OR2B3: variants seen among roughly 807,000 people sequenced by gnomAD.
The protein encoded by OR2B3 is putative olfactory receptor 2B3.
For synonymous variants in OR2B3, 123 were observed against 133.8 expected (o/e 0.92, Z 0.56); for missense variants, 341 against 374.8 (o/e 0.91, Z 0.74).
rs1361650394 is a variant in OR2B3 at position 29,086,784 on chromosome 6, G to A, written c.465C>T (p.Asn155=). ...GAGTCAAGGAAGACTGCAGCACTGA[G>A]TTGCCGAAACCAATGAGCCATGAGA... ...AAFSWLIGFG[N]SVLQSSLTLN... is the part of the protein sequence containing the mutation. The change falls in exon 1 of 1, where the codon AAC becomes AAT. Residue 155 remains asparagine (N), a synonymous_variant. Coordinates refer to ENST00000377173, the MANE Select transcript of OR2B3 (RefSeq NM_001005226.2). 1.2e-6 allele frequency: 2 copies of A among 1,614,006 alleles called. No individual in the cohort carries two copies. Among genetic ancestry groups the A allele is most frequent in the Non-Finnish European group, 1.7e-6 (2 of 1,180,022 alleles).
In OR2B3 at chr6:29,086,401, G is replaced by T; in HGVS notation, c.848C>A (p.Ser283Tyr). Residue 283 changes from serine (S) to tyrosine (Y), a missense_variant, in exon 1 of 1, where the codon TCC becomes TAC. Ser to Tyr is a moderately radical substitution (Grantham distance 144, BLOSUM62 -2). Transcript: ENST00000377173. ...MVSLFYGIIT[S>Y]MLNSLIYSLR... ...GCTGTAGATGAGGGAGTTCAACATG[G>T]ATGTGATGATTCCATAGAAGAGGGA... 1 of 1,614,004 alleles carries T rather than the reference G, an allele frequency of 6.2e-7. No homozygotes were observed. Among genetic ancestry groups the T allele is most frequent in the Non-Finnish European group, 8.5e-7 (1 of 1,179,902 alleles).
At position 29,086,267 on chromosome 6, in the gene OR2B3, A is replaced by G; in HGVS notation, c.*40T>C. The G allele has an allele frequency of 8.3e-7, 1 of 1,199,522 alleles. No individual in the cohort carries two copies. Among genetic ancestry groups the G allele is most frequent in the Non-Finnish European group, 1.2e-6 (1 of 846,354 alleles). 74.3% of individuals were successfully genotyped at this position (1,199,522 alleles called of 1,614,324 possible). ...AAGGTCATTACCATCATTGAAGATA[A>G]GGAAAGACTAAGAAGATTCTCATCA... is the stretch of plus-strand genomic sequence containing the variant. On this transcript the variant is annotated 3_prime_UTR_variant, in exon 1 of 1. Transcript: ENST00000377173.
In OR2B3 at chr6:29,086,513, T is replaced by A; in HGVS notation, c.736A>T (p.Ile246Phe). 1 of 1,614,028 alleles carries A rather than the reference T, an allele frequency of 6.2e-7. No individual in the cohort carries two copies. The highest frequency in any genetic ancestry group is 1.1e-5 in the South Asian group (1 of 91,062). The change falls in exon 1 of 1, where the codon ATT (isoleucine) becomes TTT (phenylalanine). Residue 246 changes from isoleucine (I) to phenylalanine (F), a missense_variant. Coordinates refer to ENST00000377173, the MANE Select transcript of OR2B3 (RefSeq NM_001005226.2). ...KAFGTCGSHMIVVSLFYGTAI... is the reference protein window; with the variant it reads ...KAFGTCGSHMFVVSLFYGTAI... The stretch of plus-strand genomic sequence containing the variant: ...GTTCCATAAAAGAGGGACACCACAA[T>A]CATGTGGGACCCACATGTCCCAAAT...
Position 29,087,283 on chromosome 6 carries a change from T to G in OR2B3, c.-35A>C, listed in dbSNP as rs1182253777. The G allele has an allele frequency of 2.9e-6, 4 of 1,400,676 alleles. No individual in the cohort carries two copies. The Admixed American group carries it at 7.9e-5, about 28-fold the overall frequency. 86.8% of individuals were successfully genotyped at this position (1,400,676 alleles called of 1,614,324 possible). A position where few individuals can be genotyped will look rare whatever the true frequency, so the allele number is the denominator to read the frequency against. ...CTTATTTCGCACTCCTAAAAAAATG[T>G]AAGATAGGAAAGCAATCAATGTTTG... On this transcript the variant is annotated 5_prime_UTR_variant, in exon 1 of 1. Transcript: ENST00000377173.
In OR2B3 at chr6:29,086,715, G is replaced by A. The variant is rs772705342; in HGVS notation, c.534C>T (p.Phe178=). 6.2e-7 allele frequency: 1 copy of A among 1,614,134 alleles called. No homozygotes were observed. The highest frequency in any genetic ancestry group is 8.5e-7 in the Non-Finnish European group (1 of 1,180,024). ...ACTTGAGAAGTGCAGGCACCTCACAGAAAAAGTGGTCCACTTCCTGGTGAC... is the reference window on the plus strand; with the variant it reads ...ACTTGAGAAGTGCAGGCACCTCACAAAAAAAGTGGTCCACTTCCTGGTGAC... ...RCGHQEVDHF[F]CEVPALLKLS... is the part of the protein sequence containing the mutation. Residue 178 remains phenylalanine (F), a synonymous_variant, in exon 1 of 1, where the codon TTC becomes TTT. Coordinates refer to ENST00000377173, the MANE Select transcript of OR2B3 (RefSeq NM_001005226.2).
In OR2B3 at chr6:29,086,355, C is replaced by T. The variant is rs1161499826; in HGVS notation, c.894G>A (p.Lys298=). 3 of 1,610,240 alleles carry T rather than the reference C, an allele frequency of 1.9e-6. No individual in the cohort carries two copies. Among genetic ancestry groups the T allele is most frequent in the Non-Finnish European group, 2.5e-6 (3 of 1,178,874 alleles). Residue 298 remains lysine, a synonymous_variant, in exon 1 of 1, where the codon AAG becomes AAA. Coordinates refer to ENST00000377173, the MANE Select transcript of OR2B3 (RefSeq NM_001005226.2). ...TTGGCATCAGCCTCTTGAAGGCCTC[C>T]TTCATATCTTTATTTCTAAGGCTGT... ...LIYSLRNKDM[K]EAFKRLMPRI... is the part of the protein sequence containing the mutation.
Position 29,086,551 on chromosome 6 carries a change from C to T in OR2B3, c.698G>A (p.Gly233Glu). 1 of 1,614,034 alleles carries T rather than the reference C, an allele frequency of 6.2e-7. No homozygotes were observed. Among genetic ancestry groups the T allele is most frequent in the East Asian group, 2.2e-5 (1 of 44,878 alleles). ...QAVLKIRSAEGRQKAFGTCGS... is the reference protein window; with the variant it reads ...QAVLKIRSAEERQKAFGTCGS... ...ACATGTCCCAAATGCTTTTTGCCGT[C>T]CTTCTGCTGACCTGATTTTTAATAC... Residue 233 changes from glycine (G) to glutamate (E), a missense_variant, in exon 1 of 1, where the codon GGA becomes GAA. Gly to Glu is a moderately conservative substitution (Grantham distance 98). Coordinates refer to ENST00000377173, the MANE Select transcript of OR2B3 (RefSeq NM_001005226.2).
At position 29,086,724 on chromosome 6, in the gene OR2B3, G is replaced by T; in HGVS notation, c.525C>A (p.Asp175Glu). The change falls in exon 1 of 1, where the codon GAC becomes GAA. Residue 175 changes from aspartate to glutamate, a missense_variant. By Grantham distance (45) the Asp-to-Glu change is conservative (BLOSUM62 2). Transcript: ENST00000377173. ...GTGCAGGCACCTCACAGAAAAAGTG[G>T]TCCACTTCCTGGTGACCACAGCGTG... ...NMPRCGHQEV[D>E]HFFCEVPALL... is the part of the protein sequence containing the mutation. The T allele has an allele frequency of 6.2e-7, 1 of 1,614,148 alleles. No individual in the cohort carries two copies. The highest frequency in any genetic ancestry group is 8.5e-7 in the Non-Finnish European group (1 of 1,180,028).
chr6:29,086,826 G>A lies in OR2B3; in HGVS notation c.423C>T (p.Cys141=), dbSNP rs186220740. ...GCCATGAGAAGGCTGCCATCCTTAG[G>A]CAGAACCAATAATTCATGATGACTA... ...HYVVIMNYWF[C]LRMAAFSWLI... The change falls in exon 1 of 1, where the codon TGC becomes TGT. Residue 141 remains cysteine, a synonymous_variant. Coordinates refer to ENST00000377173, the MANE Select transcript of OR2B3 (RefSeq NM_001005226.2). 9.3e-6 allele frequency: 15 copies of A among 1,614,112 alleles called. No individual in the cohort carries two copies. In the South Asian group the frequency reaches 1.1e-4, roughly 12 times the overall value.
rs753171100 is a variant in OR2B3, at chr6:29,087,201, G to T, written c.48C>A (p.Gly16=). The change falls in exon 1 of 1, where the codon GGC becomes GGA. Residue 16 remains glycine, a synonymous_variant. Coordinates refer to ENST00000377173, the MANE Select transcript of OR2B3 (RefSeq NM_001005226.2). ...ESSPKEFILL[G]FSDRAWLQMP... ...TTTGTAGCCAAGCCCTATCTGAGAAGCCAAGTAGTATAAACTCTTTTGGGG... is the reference window on the plus strand; with the variant it reads ...TTTGTAGCCAAGCCCTATCTGAGAATCCAAGTAGTATAAACTCTTTTGGGG... 1 of 1,614,074 alleles carries T rather than the reference G, an allele frequency of 6.2e-7. No homozygotes were observed. Among genetic ancestry groups the T allele is most frequent in the Non-Finnish European group, 8.5e-7 (1 of 1,179,970 alleles).
In OR2B3 at chr6:29,086,265, T is replaced by C. The variant is rs1760578781; in HGVS notation, c.*42A>G. 1 of 1,188,146 alleles carries C rather than the reference T, an allele frequency of 8.4e-7. No homozygotes were observed. Among genetic ancestry groups the C allele is most frequent in the Non-Finnish European group, 1.2e-6 (1 of 836,532 alleles). The allele number at this position is 1,188,146 out of a possible 1,614,324, so 73.6% of individuals were successfully genotyped here. ...CAAAGGTCATTACCATCATTGAAGATAAGGAAAGACTAAGAAGATTCTCAT... is the reference window on the plus strand; with the variant it reads ...CAAAGGTCATTACCATCATTGAAGACAAGGAAAGACTAAGAAGATTCTCAT... On this transcript the variant is annotated 3_prime_UTR_variant, in exon 1 of 1. Transcript: ENST00000377173.
At position 29,086,722 on chromosome 6, in the gene OR2B3, T is replaced by C. The variant is rs770561143; in HGVS notation, c.527A>G (p.His176Arg). ...AAGTGCAGGCACCTCACAGAAAAAG[T>C]GGTCCACTTCCTGGTGACCACAGCG... ...MPRCGHQEVD[H>R]FFCEVPALLK... The change falls in exon 1 of 1, where the codon CAC becomes CGC. Residue 176 changes from histidine to arginine, a missense_variant. His to Arg is a conservative substitution (Grantham distance 29). Coordinates refer to ENST00000377173, the MANE Select transcript of OR2B3 (RefSeq NM_001005226.2). 1 of 1,614,130 alleles carries C rather than the reference T, an allele frequency of 6.2e-7. No individual in the cohort carries two copies. The highest frequency in any genetic ancestry group is 8.5e-7 in the Non-Finnish European group (1 of 1,180,022).
chr6:29,086,929 A>T lies in OR2B3; in HGVS notation c.320T>A (p.Leu107Gln). Residue 107 changes from leucine to glutamine, a missense_variant, in exon 1 of 1, where the codon CTA becomes CAA. By Grantham distance (113) the Leu-to-Gln change is moderately radical. Transcript: ENST00000377173. ...CAGAAGGAGACACTCTGTAGCACCT[A>T]GGGCCAGGAAGATGATGAGGTGGGC... ...CVAHLIIFLA[L>Q]GATECLLLAV... 1 of 1,614,226 alleles carries T rather than the reference A, an allele frequency of 6.2e-7. No individual in the cohort carries two copies. Among genetic ancestry groups the T allele is most frequent in the East Asian group, 2.2e-5 (1 of 44,888 alleles).
Position 29,087,138 on chromosome 6 carries a change from G to A in OR2B3, c.111C>T (p.Ile37=). ...TGATGGACACATTGCCAAATATGGTGATTGTGTATGATATTAACAGGACCA... is the reference window on the plus strand; with the variant it reads ...TGATGGACACATTGCCAAATATGGTAATTGTGTATGATATTAACAGGACCA... ...LFVVLLISYT[I]TIFGNVSIMM... Residue 37 remains isoleucine, a synonymous_variant, in exon 1 of 1, where the codon ATC becomes ATT. Transcript: ENST00000377173. 6.2e-7 allele frequency: 1 copy of A among 1,613,948 alleles called. No individual in the cohort carries two copies. Among genetic ancestry groups the A allele is most frequent in the Non-Finnish European group, 8.5e-7 (1 of 1,179,802 alleles).
In OR2B3 at chr6:29,086,796, A is replaced by G. The variant is rs925567765; in HGVS notation, c.453T>C (p.Ile151=). The G allele has an allele frequency of 1.9e-6, 3 of 1,614,064 alleles. No homozygotes were observed. Among genetic ancestry groups the G allele is most frequent in the African/African-American group, 2.7e-5 (2 of 74,928 alleles). The part of the protein sequence containing the change: ...CLRMAAFSWL[I]GFGNSVLQSS... ...ACTGCAGCACTGAGTTGCCGAAACC[A>G]ATGAGCCATGAGAAGGCTGCCATCC... is the stretch of plus-strand genomic sequence containing the variant. Residue 151 remains isoleucine, a synonymous_variant, in exon 1 of 1, where the codon ATT becomes ATC. Coordinates refer to ENST00000377173, the MANE Select transcript of OR2B3 (RefSeq NM_001005226.2).
Position 29,086,302 on chromosome 6 carries a change from A to G in OR2B3, c.*5T>C, listed in dbSNP as rs768814214. The stretch of plus-strand genomic sequence containing the variant: ...AAGAAGATTCTCATCACAATGGAGT[A>G]CTTCTTATTTCTTACAGAAAAAGAT... On this transcript the variant is annotated 3_prime_UTR_variant, in exon 1 of 1. Transcript: ENST00000377173. 78 of 1,498,288 alleles carry G rather than the reference A, an allele frequency of 5.2e-5. No individual in the cohort carries two copies. Among genetic ancestry groups the G allele is most frequent in the Non-Finnish European group, 7.0e-5 (77 of 1,095,704 alleles). The allele number at this position is 1,498,288 out of a possible 1,614,324, so 92.8% of individuals were successfully genotyped here. A position where few individuals can be genotyped will look rare whatever the true frequency, so the allele number is the denominator to read the frequency against.
At position 29,086,434 on chromosome 6, in the gene OR2B3, T is replaced by A; in HGVS notation, c.815A>T (p.Lys272Met). The A allele has an allele frequency of 1.2e-6, 2 of 1,614,118 alleles. No individual in the cohort carries two copies. The highest frequency in any genetic ancestry group is 1.7e-6 in the Non-Finnish European group (2 of 1,179,972). ...GATTCCATAGAAGAGGGAAACCATCTTTCCCCAGTCCTTAGAGGTGGATGA... is the reference window on the plus strand; with the variant it reads ...GATTCCATAGAAGAGGGAAACCATCATTCCCCAGTCCTTAGAGGTGGATGA... ...PPSSTSKDWG[K>M]MVSLFYGIIT... Residue 272 changes from lysine (K) to methionine (M), a missense_variant, in exon 1 of 1, where the codon AAG (lysine) becomes ATG (methionine). Coordinates refer to ENST00000377173, the MANE Select transcript of OR2B3 (RefSeq NM_001005226.2).
chr6:29,086,429 C>T lies in OR2B3; in HGVS notation c.820G>A (p.Val274Ile), dbSNP rs1275607351. 4.3e-6 allele frequency: 7 copies of T among 1,613,610 alleles called. No homozygotes were observed. The highest frequency in any genetic ancestry group is 5.9e-6 in the Non-Finnish European group (7 of 1,179,670). Residue 274 changes from valine (V) to isoleucine (I), a missense_variant, in exon 1 of 1, where the codon GTT (valine) becomes ATT (isoleucine). Val to Ile is a conservative substitution (Grantham distance 29). Coordinates refer to ENST00000377173, the MANE Select transcript of OR2B3 (RefSeq NM_001005226.2). The part of the protein sequence containing the change: ...SSTSKDWGKM[V>I]SLFYGIITSM... ...GTGATGATTCCATAGAAGAGGGAAA[C>T]CATCTTTCCCCAGTCCTTAGAGGTG...
Position 29,086,828 on chromosome 6 carries a change from A to G in OR2B3, c.421T>C (p.Cys141Arg), listed in dbSNP as rs1306476392. The change falls in exon 1 of 1, where the codon TGC becomes CGC. Residue 141 changes from cysteine to arginine, a missense_variant. Cys to Arg is a radical substitution (Grantham distance 180). Transcript: ENST00000377173. ...HYVVIMNYWF[C>R]LRMAAFSWLI... is the part of the protein sequence containing the mutation. ...CATGAGAAGGCTGCCATCCTTAGGC[A>G]GAACCAATAATTCATGATGACTACA... 2.4e-5 allele frequency: 38 copies of G among 1,614,074 alleles called. No individual in the cohort carries two copies. Among genetic ancestry groups the G allele is most frequent in the Non-Finnish European group, 3.1e-5 (36 of 1,180,032 alleles).
Sources: gnomAD v4.1 joint callset for allele counts on GRCh38, gnomAD v4.1.1 for gene constraint, MANE v1.5 for transcripts, NCBI Gene and HGNC (gene_info 2026-07-23, HGNC 2026-07-21) for gene names.